Variants in PRKCZ observed in about 807,000 individuals in gnomAD.
The protein encoded by PRKCZ is protein kinase C zeta type.
In PRKCZ, 33 loss-of-function variants were observed where a neutral mutation model predicts 79.5. That is an observed-to-expected ratio of 0.41 (90% CI 0.31 to 0.55). The LOEUF is 0.55. Ranked by LOEUF, PRKCZ falls within the 20% of genes least tolerant of loss-of-function variation. The pLI is 0.19. For missense variants in PRKCZ, 578 were observed against 813.5 expected (o/e 0.71, Z 3.52); for synonymous variants, 342 against 320.9 (o/e 1.07, Z -0.70).
chr1:2,181,142 C>T (rs765096959), intron 16 of PRKCZ, among the ~76,000 whole-genome samples: 16 of 150,070 alleles, frequency 1.1e-4, no homozygotes. Flanking sequence ...GCCCTACGGA[C>T]AGCAGGGTCG....
chr1:2,105,365 A>G (rs1304034546), intron 4 of PRKCZ, among the ~76,000 whole-genome samples: 1 of 152,174 alleles, frequency 6.6e-6, no homozygotes, highest in Non-Finnish European at 1.5e-5. Context: ...GAGTAGAAGT[A>G]AGTGCACTAG....
rs12567763 is a variant in PRKCZ at position 2,110,897 on chromosome 1, G to A, written c.335-24365G>A. Among the ~76,000 whole-genome samples, 1,712 of 152,188 alleles carry A rather than the reference G, an allele frequency of 0.011. 57 individuals carry two copies. In the East Asian group the frequency reaches 0.13, roughly 11 times the overall value. Reference sequence around the variant, plus strand: ...CAGGGTGGGGCTGGTGGACGGTGTAGTTCCTGAGAGACCGAGCCGGAAGGT... The same window carrying A: ...CAGGGTGGGGCTGGTGGACGGTGTAATTCCTGAGAGACCGAGCCGGAAGGT... On this transcript the variant is annotated intron_variant, in intron 4 of 17. Coordinates refer to ENST00000378567, the MANE Select transcript of PRKCZ (RefSeq NM_002744.6).
intron 4 of PRKCZ, among the ~76,000 whole-genome samples, chr1:2,133,051 T>C (rs1349405554): frequency 6.6e-6 from 1 of 152,192 alleles, no homozygotes; most frequent in Non-Finnish European, 1.5e-5. Flanking sequence ...GGAGAGTTTG[T>C]TCACCCTGCT....
chr1:2,157,894 T>A (rs1302391530), intron 10 of PRKCZ, among the ~76,000 whole-genome samples: 1 of 151,284 alleles, frequency 6.6e-6, no homozygotes, highest in Non-Finnish European at 1.5e-5. Context: ...CAGTTCACGT[T>A]CCCAGCCCCA....
intron 9 of PRKCZ, among the ~76,000 whole-genome samples, chr1:2,151,653 T>C (rs1679928816): frequency 6.6e-6 from 1 of 152,142 alleles, no homozygotes; most frequent in South Asian, 2.1e-4. Context: ...ATAGGATCAA[T>C]GGTTTATTTG....
chr1:2,060,353 G>A (rs1051498447), intron 4 of PRKCZ, among the ~76,000 whole-genome samples: 1 of 152,380 alleles, frequency 6.6e-6, no homozygotes, highest in East Asian at 1.9e-4. Context: ...GATGCTGGGT[G>A]TTGGCAGTGC....
intron 6 of PRKCZ, 79 bp downstream of exon 6, chr1:2,144,420 C>A: frequency 6.6e-7 from 1 of 1,521,788 alleles, no homozygotes. Context: ...CCAAGCAGAC[C>A]TTGGTGACCC....
At position 2,094,560 on chromosome 1, in the gene PRKCZ, A is replaced by T. The variant is rs7540880; in HGVS notation, c.334+34969A>T. Among the ~76,000 whole-genome samples the T allele has an allele frequency of 3.2e-4, 21 of 65,218 alleles. No individual in the cohort carries two copies. The highest frequency in any genetic ancestry group is 5.7e-4 in the South Asian group (1 of 1,746). 42.8% of individuals were successfully genotyped at this position (65,218 alleles called of 152,430 possible). A position where few individuals can be genotyped will look rare whatever the true frequency, so the allele number is the denominator to read the frequency against. ...TGAGGCGCCCTCTGTGCCCGGCTCG[A>T]TGAACCTTGGGCGCTGCCCGTTCTG... On this transcript the variant is annotated intron_variant, in intron 4 of 17. Coordinates refer to ENST00000378567, the MANE Select transcript of PRKCZ (RefSeq NM_002744.6). The surrounding 1 kb of genome is among the most constrained non-coding windows in gnomAD (Gnocchi z 7.3).
At chr1:2,130,783 A>G (rs1674798920) in intron 4 of PRKCZ, among the ~76,000 whole-genome samples, 1 of 151,974 alleles carries the variant, frequency 6.6e-6, no homozygotes, top group African/African-American at 2.4e-5. Context: ...ACCCTCATGG[A>G]AACATCCAGG....
chr1:2,154,569 G>A (rs756698095), intron 9 of PRKCZ, among the ~76,000 whole-genome samples: 2 of 152,222 alleles, frequency 1.3e-5, no homozygotes, highest in Non-Finnish European at 2.9e-5. Context: ...AGTGTGGCAT[G>A]TATCTGTAGT....
intron 5 of PRKCZ, among the ~76,000 whole-genome samples, chr1:2,140,576 G>C (rs1393827411): frequency 6.6e-6 from 1 of 152,168 alleles, no homozygotes; most frequent in Non-Finnish European, 1.5e-5. Flanking sequence ...GGAATGGCTT[G>C]AACCAGGGAG....
chr1:2,101,993 C>CT (rs1667518988), intron 4 of PRKCZ, among the ~76,000 whole-genome samples: 1 of 152,182 alleles, frequency 6.6e-6, no homozygotes, highest in Non-Finnish European at 1.5e-5. Flanking sequence ...TCTGGGGGTC[C>CT]TGGGGCCTTT....
intron 4 of PRKCZ, among the ~76,000 whole-genome samples, chr1:2,124,931 C>T (rs1391420872): frequency 3.9e-5 from 6 of 152,208 alleles, no homozygotes; most frequent in South Asian, 2.1e-4. Flanking sequence ...TTAGACTCCT[C>T]GCGTGGCGTC....
At chr1:2,078,437 G>A (rs141137863) in intron 4 of PRKCZ, among the ~76,000 whole-genome samples, 2 of 152,266 alleles carry the variant, frequency 1.3e-5, no homozygotes, top group East Asian at 1.9e-4. Context: ...GAGAAGTCAG[G>A]TGCCATTTTG....
chr1:2,135,382 G>A lies in PRKCZ; in HGVS notation c.420+35G>A, dbSNP rs973412074. ...CCCCTTGGGACTAGTCCCTCAAGGG[G>A]CCTTTTGTTACTTTTAAAAGCAAAG... On this transcript the variant is annotated intron_variant, in intron 5 of 17. Coordinates refer to ENST00000378567, the MANE Select transcript of PRKCZ (RefSeq NM_002744.6). 2.6e-6 allele frequency: 4 copies of A among 1,544,962 alleles called. No homozygotes were observed. In the African/African-American group the frequency reaches 5.5e-5, roughly 21 times the overall value.
At chr1:2,051,511 T>C (rs1486524841) in intron 1 of PRKCZ, among the ~76,000 whole-genome samples, 1 of 152,124 alleles carries the variant, frequency 6.6e-6, no homozygotes, top group Non-Finnish European at 1.5e-5. Context: ...GGACCTCCGC[T>C]CCCGCGAGGG....
chr1:2,118,713 C>CTGTGTGTGTGTGTGTG (rs770283606), intron 4 of PRKCZ, among the ~76,000 whole-genome samples: 9 of 120,726 alleles, frequency 7.5e-5, no homozygotes, highest in South Asian at 6.5e-4. Context: ...CACACCAGCT[C>CTGTGTGTGTGTGTGTG]TGTGTGTGTG....
At chr1:2,147,219 TATCC>T (rs1433283386) in intron 7 of PRKCZ, among the ~76,000 whole-genome samples, 2 of 151,794 alleles carry the variant, frequency 1.3e-5, no homozygotes, top group Non-Finnish European at 2.9e-5. Flanking sequence ...CCTCTCCATC[TATCC>T]ATCCATCTTT....
In PRKCZ at chr1:2,172,128, C is replaced by T; in HGVS notation, c.1135C>T (p.Leu379=). The T allele has an allele frequency of 6.2e-7, 1 of 1,613,538 alleles. No homozygotes were observed. Among genetic ancestry groups the T allele is most frequent in the Non-Finnish European group, 8.5e-7 (1 of 1,179,994 alleles). The part of the protein sequence containing the change: ...ERGIIYRDLK[L]DNVLLDADGH... ...GGGGATCATCTACAGGGACCTGAAG[C>T]TGGACAACGTCCTCCTGGATGCGGA... is the stretch of plus-strand genomic sequence containing the variant. Residue 379 remains leucine (L), a synonymous_variant, in exon 12 of 18, where the codon CTG becomes TTG. Transcript: ENST00000378567. The surrounding 1 kb of genome is among the most constrained non-coding windows in gnomAD (Gnocchi z 7.8).
Sources: allele counts gnomAD v4.1 joint callset (sites outside exome capture counted in the v4.1 genomes callset), GRCh38; gene constraint gnomAD v4.1.1; non-coding constraint Gnocchi (gnomAD v3.1); transcripts MANE v1.5; gene names NCBI Gene and HGNC (gene_info 2026-07-23, HGNC 2026-07-21).